The following PDE1C variants were observed in gnomAD, a reference collection of about 807,000 sequenced individuals.
PDE1C encodes the protein dual specificity calcium/calmodulin-dependent 3',5'-cyclic nucleotide phosphodiesterase 1C.
PDE1C carries 62 observed loss-of-function variants against 93.1 expected under a neutral mutation model. The observed-to-expected ratio is 0.67, with a 90% CI of 0.54 to 0.82. The LOEUF is 0.82. PDE1C is among the 40% of genes least tolerant of loss of function. The probability of loss-of-function intolerance (pLI) is 0.00; values close to 1 mark genes in which losing one functional copy is unlikely to be tolerated. For missense variants in PDE1C, 742 were observed against 884.6 expected (o/e 0.84, Z 2.04); for synonymous variants, 325 against 310.1 (o/e 1.05, Z -0.50).
intron 1 of PDE1C, among the ~76,000 whole-genome samples, chr7:32,342,280 C>T (rs1254738754): frequency 1.3e-5 from 2 of 152,088 alleles, no homozygotes; most frequent in Non-Finnish European, 2.9e-5. Flanking sequence ...GATTTAGACA[C>T]GCAGAATTTT....
chr7:32,167,914 C>A (rs1802405878), intron 3 of PDE1C, among the ~76,000 whole-genome samples: 1 of 152,214 alleles, frequency 6.6e-6, no homozygotes, highest in East Asian at 1.9e-4. Flanking sequence ...CTTCCCATAC[C>A]TGAGTACTTT....
intron 1 of PDE1C, among the ~76,000 whole-genome samples, chr7:32,387,796 C>G (rs1412991596): frequency 2.6e-4 from 37 of 141,812 alleles, no homozygotes; most frequent in East Asian, 6.2e-4. Flanking sequence ...GGCGGCTGGC[C>G]GGGCGGGGGG....
intron 9 of PDE1C, among the ~76,000 whole-genome samples, chr7:31,842,335 C>T (rs1792014373): frequency 6.6e-6 from 1 of 152,038 alleles, no homozygotes; most frequent in African/African-American, 2.4e-5. Flanking sequence ...AGTATTTCTT[C>T]CTTCTCTAAA....
At chr7:31,989,957 C>T (rs908350276) in intron 2 of PDE1C, among the ~76,000 whole-genome samples, 2 of 152,204 alleles carry the variant, frequency 1.3e-5, no homozygotes, top group African/African-American at 2.4e-5. Context: ...GGCACTGTGC[C>T]GGGCACAGGG....
At chr7:32,316,129 T>C (rs1486433506) in intron 1 of PDE1C, among the ~76,000 whole-genome samples, 1 of 152,210 alleles carries the variant, frequency 6.6e-6, no homozygotes, top group African/African-American at 2.4e-5. Flanking sequence ...GTTTTGACCA[T>C]TGATGTATCC....
At chr7:31,926,289 A>G (rs564043344) in intron 2 of PDE1C, among the ~76,000 whole-genome samples, 68 of 152,288 alleles carry the variant, frequency 4.5e-4, no homozygotes, top group African/African-American at 1.4e-3. Flanking sequence ...TGTAATGCCA[A>G]TGTTCAAACC....
chr7:31,854,378 A>C (rs1793736929), intron 7 of PDE1C, among the ~76,000 whole-genome samples: 1 of 152,214 alleles, frequency 6.6e-6, no homozygotes, highest in Admixed American at 6.5e-5. Flanking sequence ...AAGAAGTCAG[A>C]AATTAAAGTC....
intron 7 of PDE1C, among the ~76,000 whole-genome samples, chr7:31,864,680 T>C (rs1215599961): frequency 2.0e-5 from 3 of 152,172 alleles, no homozygotes; most frequent in Non-Finnish European, 4.4e-5. Context: ...AGTTGTAGTC[T>C]TTATATTTAA....
At chr7:31,709,122 A>G in the PDE1C span, among the ~76,000 whole-genome samples, 1 of 152,256 alleles carries the variant, frequency 6.6e-6, no homozygotes, top group Non-Finnish European at 1.5e-5. Flanking sequence ...GATTTGCTGT[A>G]TGAACACAGA....
chr7:31,989,742 A>G (rs1246059235), intron 2 of PDE1C, among the ~76,000 whole-genome samples: 1 of 152,160 alleles, frequency 6.6e-6, no homozygotes, highest in Non-Finnish European at 1.5e-5. Flanking sequence ...GGCTACGATA[A>G]CTGCGGTGAC....
intron 1 of PDE1C, among the ~76,000 whole-genome samples, chr7:32,370,185 C>T (rs1228896571): frequency 6.6e-6 from 1 of 152,170 alleles, no homozygotes; most frequent in African/African-American, 2.4e-5. Context: ...CGCAGTGGCT[C>T]ACGCCTGTAA....
chr7:31,820,933 G>A (rs376045422), intron 14 of PDE1C: 3 of 144,774 alleles, frequency 2.1e-5, no homozygotes, highest in Admixed American at 7.1e-5. Context: ...TCAATTCTGC[G>A]ATGTACATTA....
intron 3 of PDE1C, among the ~76,000 whole-genome samples, chr7:32,082,233 C>A (rs980452040): frequency 3.9e-5 from 6 of 152,262 alleles, no homozygotes; most frequent in African/African-American, 1.2e-4. Context: ...CTCTGAGGGT[C>A]CTACGCCCAC....
intron 1 of PDE1C, among the ~76,000 whole-genome samples, chr7:32,374,670 G>A: frequency 6.6e-6 from 1 of 152,210 alleles, no homozygotes; most frequent in South Asian, 2.1e-4. Context: ...TGCTCTGTCT[G>A]TTCCAATTTC....
At chr7:32,108,230 C>CAAAAAAAAAAAAAAAAAAAAAAAAAAA (rs71559210) in intron 3 of PDE1C, among the ~76,000 whole-genome samples, 1 of 77,060 alleles carries the variant, frequency 1.3e-5, no homozygotes, top group Non-Finnish European at 2.5e-5. Flanking sequence ...AAAAGCAAGA[C>CAAAAAAAAAAAAAAAAAAAAAAAAAAA]AAAAAAAAAA....
intron 2 of PDE1C, among the ~76,000 whole-genome samples, chr7:31,918,576 C>T (rs1802218694): frequency 6.6e-6 from 1 of 152,170 alleles, no homozygotes; most frequent in Admixed American, 6.5e-5. Context: ...CTGAGTCTTT[C>T]TGCTGTTCTG....
intron 1 of PDE1C, among the ~76,000 whole-genome samples, chr7:32,357,377 G>C (rs1021144888): frequency 1.3e-5 from 2 of 151,660 alleles, no homozygotes; most frequent in Non-Finnish European, 2.9e-5. Flanking sequence ...TGGCTGAACA[G>C]TGTGCAATTC....
chr7:31,961,806 A>T (rs1436976085), intron 2 of PDE1C, among the ~76,000 whole-genome samples: 1 of 152,174 alleles, frequency 6.6e-6, no homozygotes, highest in African/African-American at 2.4e-5. Flanking sequence ...TAAGGCAAAA[A>T]CCAACACCAA....
chr7:31,939,449 T>G (rs1805533338), intron 2 of PDE1C, among the ~76,000 whole-genome samples: 1 of 152,270 alleles, frequency 6.6e-6, no homozygotes. Context: ...GATATGATTT[T>G]GGTTGAAGTC....
Sources: allele counts gnomAD v4.1 joint callset (sites outside exome capture counted in the v4.1 genomes callset), GRCh38; gene constraint gnomAD v4.1.1; transcripts MANE v1.5; gene names NCBI Gene and HGNC (gene_info 2026-07-23, HGNC 2026-07-21).